MANF: variants seen among roughly 807,000 people sequenced by gnomAD.
MANF encodes the protein mesencephalic astrocyte derived neurotrophic factor, also known as mesencephalic astrocyte-derived neurotrophic factor.
In MANF, 9 loss-of-function variants were observed where a neutral mutation model predicts 19.1. That is an observed-to-expected ratio of 0.47 (90% confidence interval 0.28 to 0.82). MANF has a LOEUF of 0.82. Among genes scored for constraint, MANF ranks in the 40% least tolerant of loss-of-function variants. The pLI is 0.10. For missense variants in MANF, 225 were observed against 226.7 expected (o/e 0.99, Z 0.05); for synonymous variants, 89 against 88.0 (o/e 1.01, Z -0.06).
chr3:51,388,032 G>T (rs142668206), intron 3 of MANF, among the ~76,000 whole-genome samples, 154 bp downstream of exon 3: 1 of 152,288 alleles, frequency 6.6e-6, no homozygotes, highest in East Asian at 1.9e-4. Context: ...GGAAGTGGGT[G>T]GAGGTCAGAA....
chr3:51,385,606 G>T (rs2088942915), intron 1 of MANF, 170 bp downstream of exon 1: 6 of 394,526 alleles, frequency 1.5e-5, no homozygotes, highest in Non-Finnish European at 2.7e-5. Flanking sequence ...GCCCGCCCTA[G>T]TAAATCTTTC....
intron 2 of MANF, chr3:51,386,773 T>G (rs997795394): frequency 1.4e-5 from 6 of 427,362 alleles, no homozygotes; most frequent in Admixed American, 5.0e-5. Context: ...GAGTGTGGCA[T>G]GTATGTGGAC....
At chr3:51,387,247 GAGTT>G (rs2088971602) in intron 2 of MANF, among the ~76,000 whole-genome samples, 1 of 152,306 alleles carries the variant, frequency 6.6e-6, no homozygotes, top group East Asian at 1.9e-4. Flanking sequence ...CTGAGGTCAG[GAGTT>G]CAAGACCAGC....
chr3:51,385,423 G>A lies in MANF; in HGVS notation c.81G>A (p.Pro27=). Residue 27 remains proline (P), a synonymous_variant, in exon 1 of 4, where the codon CCG becomes CCA. Coordinates refer to ENST00000528157, the MANE Select transcript of MANF (RefSeq NM_006010.6). ...TGCCGGGCAGCCGGGCGCTGCGGCC[G>A]GGCGACTGCGAAGGTGCGGGATAGG... ...SVLPGSRALR[P]GDCEVCISYL... 8.1e-7 allele frequency: 1 copy of A among 1,236,238 alleles called. No individual in the cohort carries two copies. The highest frequency in any genetic ancestry group is 1.6e-5 in the African/African-American group (1 of 64,380). The allele number at this position is 1,236,238 out of a possible 1,614,324, so 76.6% of individuals were successfully genotyped here.
rs782484642 is a variant in MANF, at chr3:51,386,255, G to C, written c.142G>C (p.Asp48His). 6.2e-7 allele frequency: 1 copy of C among 1,613,796 alleles called. No individual in the cohort carries two copies. ...GRFYQDLKDR[D>H]VTFSPATIEN... ...ATTTTACCAGGACCTCAAAGACAGA[G>C]ATGTCACATTCTCACCAGCCACTAT... The change falls in exon 2 of 4, where the codon GAT becomes CAT. Residue 48 changes from aspartate (D) to histidine (H), a missense_variant. Transcript: ENST00000528157.
In MANF at chr3:51,388,922, A is replaced by G; in HGVS notation, c.382A>G (p.Ser128Gly). ...ELKYDKQIDL[S>G]TVDLKKLRVK... The stretch of plus-strand genomic sequence containing the variant: ...TCCTCCAGACAAGCAGATCGACCTG[A>G]GCACAGTGGACCTGAAGAAGCTCCG... Residue 128 changes from serine to glycine, a missense_variant, in exon 4 of 4, where the codon AGC becomes GGC. Physicochemically the swap from Ser to Gly is moderately conservative, Grantham distance 56 (BLOSUM62 0). Transcript: ENST00000528157. 1 of 1,579,930 alleles carries G rather than the reference A, an allele frequency of 6.3e-7. No individual in the cohort carries two copies. Among genetic ancestry groups the G allele is most frequent in the Non-Finnish European group, 8.6e-7 (1 of 1,162,662 alleles).
Position 51,385,420 on chromosome 3 carries a change from G to A in MANF, c.78G>A (p.Arg26=), listed in dbSNP as rs758712048. The A allele has an allele frequency of 4.2e-5, 52 of 1,236,734 alleles. No homozygotes were observed. The highest frequency in any genetic ancestry group is 9.5e-5 in the East Asian group (3 of 31,660). 76.6% of individuals were successfully genotyped at this position (1,236,734 alleles called of 1,614,324 possible). The change falls in exon 1 of 4, where the codon CGG becomes CGA. Residue 26 remains arginine, a synonymous_variant. Coordinates refer to ENST00000528157, the MANE Select transcript of MANF (RefSeq NM_006010.6). ...LSVLPGSRAL[R]PGDCEVCISY... ...TGCTGCCGGGCAGCCGGGCGCTGCGGCCGGGCGACTGCGAAGGTGCGGGAT... is the reference window on the plus strand; with the variant it reads ...TGCTGCCGGGCAGCCGGGCGCTGCGACCGGGCGACTGCGAAGGTGCGGGAT...
rs560075052 is a variant in MANF at position 51,388,822 on chromosome 3, T to C, written c.365-83T>C. 2.6e-5 allele frequency: 28 copies of C among 1,097,318 alleles called. No homozygotes were observed. The South Asian group carries it at 4.8e-4, about 19-fold the overall frequency. The allele number at this position is 1,097,318 out of a possible 1,614,324, so 68.0% of individuals were successfully genotyped here. A position where few individuals can be genotyped will look rare whatever the true frequency, so the allele number is the denominator to read the frequency against. The stretch of plus-strand genomic sequence containing the variant: ...GAAACCAGTAGGGCTGGTTTGGCCG[T>C]TCAGGGAGTGACATACTCTGGGACT... On this transcript the variant is annotated intron_variant, in intron 3 of 3. Coordinates refer to ENST00000528157, the MANE Select transcript of MANF (RefSeq NM_006010.6).
chr3:51,386,428 G>A, intron 2 of MANF, 93 bp downstream of exon 2: 1 of 1,409,644 alleles, frequency 7.1e-7, no homozygotes, highest in Non-Finnish European at 9.8e-7. Context: ...CCACCTCTCT[G>A]TTCAGGAAGC....
intron 1 of MANF, 191 bp from the exon 2 acceptor site, chr3:51,386,017 A>G (rs2088954314): frequency 3.4e-6 from 2 of 596,260 alleles, no homozygotes; most frequent in Non-Finnish European, 5.9e-6. Flanking sequence ...CCCTGGGTGT[A>G]CCAGGGGACC....
At position 51,388,835 on chromosome 3, in the gene MANF, A is replaced by T. The variant is rs2088989731; in HGVS notation, c.365-70A>T. On this transcript the variant is annotated intron_variant, in intron 3 of 3. Coordinates refer to ENST00000528157, the MANE Select transcript of MANF (RefSeq NM_006010.6). Reference sequence around the variant, plus strand: ...CTGGTTTGGCCGTTCAGGGAGTGACATACTCTGGGACTACTGGGGGACTGC... The same window carrying T: ...CTGGTTTGGCCGTTCAGGGAGTGACTTACTCTGGGACTACTGGGGGACTGC... The T allele has an allele frequency of 4.1e-6, 5 of 1,214,780 alleles. No individual in the cohort carries two copies. In the East Asian group the frequency reaches 1.3e-4, roughly 32 times the overall value. 75.3% of individuals were successfully genotyped at this position (1,214,780 alleles called of 1,614,324 possible).
Position 51,388,959 on chromosome 3 carries a change from T to C in MANF, c.419T>C (p.Leu140Pro). The C allele has an allele frequency of 6.3e-7, 1 of 1,599,292 alleles. No homozygotes were observed. The highest frequency in any genetic ancestry group is 8.5e-7 in the Non-Finnish European group (1 of 1,172,502). The stretch of plus-strand genomic sequence containing the variant: ...CTGAAGAAGCTCCGAGTTAAAGAGC[T>C]GAAGAAGATTCTGGATGACTGGGGG... ...VDLKKLRVKE[L>P]KKILDDWGET... Residue 140 changes from leucine (L) to proline (P), a missense_variant, in exon 4 of 4, where the codon CTG becomes CCG. Physicochemically the swap from Leu to Pro is moderately conservative, Grantham distance 98. Coordinates refer to ENST00000528157, the MANE Select transcript of MANF (RefSeq NM_006010.6).
intron 2 of MANF, 156 bp from the exon 3 acceptor site, chr3:51,387,581 G>A (rs549502446): frequency 1.2e-5 from 8 of 640,946 alleles, no homozygotes; most frequent in Non-Finnish European, 2.1e-5. Flanking sequence ...GCAGGGAGCC[G>A]TGATCATGCC....
At chr3:51,388,821 G>C (rs891039406) in intron 3 of MANF, 84 bp from the exon 4 acceptor site, 5 of 1,083,060 alleles carry the variant, frequency 4.6e-6, no homozygotes, top group Non-Finnish European at 6.5e-6. Flanking sequence ...TGGTTTGGCC[G>C]TTCAGGGAGT....
chr3:51,385,771 G>T (rs1553620795), intron 1 of MANF: 1 of 289,790 alleles, frequency 3.5e-6, no homozygotes, highest in Non-Finnish European at 6.4e-6. Flanking sequence ...AGGGCTGGCC[G>T]TGGGTGCTGC....
chr3:51,388,013 C>T, intron 3 of MANF, 135 bp downstream of exon 3: 1 of 867,306 alleles, frequency 1.2e-6, no homozygotes, highest in Non-Finnish European at 1.8e-6. Context: ...TGCTGGAGGG[C>T]TCTGGCATGG....
Position 51,387,580 on chromosome 3 carries a change from C to T in MANF, c.223-157C>T, listed in dbSNP as rs1553621034. The T allele has an allele frequency of 2.4e-5, 15 of 636,450 alleles. No individual in the cohort carries two copies. The East Asian group carries it at 3.7e-4, about 16-fold the overall frequency. The allele number at this position is 636,450 out of a possible 1,614,324, so 39.4% of individuals were successfully genotyped here. A position where few individuals can be genotyped will look rare whatever the true frequency, so the allele number is the denominator to read the frequency against. Reference sequence around the variant, plus strand: ...CCAACAGATTGAAGCTGCAGGGAGCCGTGATCATGCCACTGCATTCCAGCC... The same window carrying T: ...CCAACAGATTGAAGCTGCAGGGAGCTGTGATCATGCCACTGCATTCCAGCC... On this transcript the variant is annotated intron_variant, in intron 2 of 3. Transcript: ENST00000528157.
At chr3:51,386,770 G>C in intron 2 of MANF, 2 of 426,100 alleles carry the variant, frequency 4.7e-6, no homozygotes, top group Non-Finnish European at 9.5e-6. Flanking sequence ...AAAGAGTGTG[G>C]CATGTATGTG....
At chr3:51,386,797 A>G (rs889308837) in intron 2 of MANF, 1 of 447,722 alleles carries the variant, frequency 2.2e-6, no homozygotes, top group Non-Finnish European at 4.5e-6. Context: ...AGAAGGTGAC[A>G]GGGTGCCTAC....
Sources: allele counts gnomAD v4.1 joint callset (sites outside exome capture counted in the v4.1 genomes callset), GRCh38; gene constraint gnomAD v4.1.1; transcripts MANE v1.5; gene names NCBI Gene and HGNC (gene_info 2026-07-23, HGNC 2026-07-21).